The following IQGAP3 variants were observed in gnomAD, a reference collection of about 807,000 sequenced individuals.
The protein encoded by IQGAP3 is IQ motif containing GTPase activating protein 3, also known as ras GTPase-activating-like protein IQGAP3.
A neutral mutation model predicts 208.2 loss-of-function variants in IQGAP3; 165 were observed. The ratio of observed to expected loss-of-function variants is 0.79; its 90% confidence interval spans 0.70 to 0.90. IQGAP3 has a LOEUF of 0.90. IQGAP3 is among the 40% of genes least tolerant of loss of function. The probability of loss-of-function intolerance (pLI) is 0.00; values close to 1 mark genes in which losing one functional copy is unlikely to be tolerated. For synonymous variants in IQGAP3, 703 were observed against 803.6 expected, an observed-to-expected ratio of 0.87 and a Z score of 2.12; for missense variants, 1,811 against 2,043.1, an observed-to-expected ratio of 0.89 and a Z score of 2.19.
At chr1:156,564,770 G>A (rs751699109) in intron 4 of IQGAP3, 79 bp from the exon 5 acceptor site, 2 of 992,542 alleles carry the variant, frequency 2.0e-6, no homozygotes, top group Admixed American at 3.4e-5. Context: ...GCCGAGGAAT[G>A]GGTCTTCCTC....
chr1:156,549,468 C>T (rs1209200409), intron 16 of IQGAP3, among the ~76,000 whole-genome samples: 3 of 112,066 alleles, frequency 2.7e-5, no homozygotes, highest in African/African-American at 1.2e-4. Context: ...AACACTCTGT[C>T]TCAAAAAAAA....
chr1:156,554,341 C>T lies in IQGAP3; in HGVS notation c.1342G>A (p.Val448Ile). 1 of 1,613,948 alleles carries T rather than the reference C, an allele frequency of 6.2e-7. No homozygotes were observed. The change falls in exon 13 of 38, where the codon GTC becomes ATC. Residue 448 changes from valine (V) to isoleucine (I), a missense_variant. Coordinates refer to ENST00000361170, the MANE Select transcript of IQGAP3 (RefSeq NM_178229.5). Reference sequence around the variant, plus strand: ...GCCTCCAGGGCCCGGTTAATCAGGACCACAGCTGAGAGCATCTCCACAGCC... The same window carrying T: ...GCCTCCAGGGCCCGGTTAATCAGGATCACAGCTGAGAGCATCTCCACAGCC... Reference protein sequence around the residue: ...FVAVEMLSAVVLINRALEARD... With the variant: ...FVAVEMLSAVILINRALEARD...
Position 156,552,967 on chromosome 1 carries a change from G to A in IQGAP3, c.1449-872C>T, listed in dbSNP as rs139248232. ...CATGTGCCTGTAGTCCTAGCTACTT[G>A]GGAGGCTGAGTTGGGAGGATCACTT... On this transcript the variant is annotated intron_variant, in intron 13 of 37. Coordinates refer to ENST00000361170, the MANE Select transcript of IQGAP3 (RefSeq NM_178229.5). Among the ~76,000 whole-genome samples the A allele has an allele frequency of 5.8e-3, 886 of 152,278 alleles. 6 individuals are homozygous for A. The highest frequency in any genetic ancestry group is 0.024 in the Middle Eastern group (7 of 292).
chr1:156,562,832 C>T (rs780414781), intron 8 of IQGAP3, among the ~76,000 whole-genome samples, 167 bp from the exon 9 acceptor site: 7 of 152,208 alleles, frequency 4.6e-5, no homozygotes, highest in Non-Finnish European at 8.8e-5. Context: ...TTGGCACTGA[C>T]ATAATTAAGC....
chr1:156,555,423 G>A (rs1244091921), intron 12 of IQGAP3, among the ~76,000 whole-genome samples: 11 of 151,924 alleles, frequency 7.2e-5, no homozygotes, highest in African/African-American at 1.9e-4. Flanking sequence ...ATGGGGTTTC[G>A]CCATGTTGGC....
intron 8 of IQGAP3, among the ~76,000 whole-genome samples, chr1:156,562,879 C>G (rs1432920333): frequency 2.0e-5 from 3 of 152,236 alleles, no homozygotes; most frequent in Middle Eastern, 3.2e-3. Flanking sequence ...CAATCTCATT[C>G]TGTTCTACAT....
In IQGAP3 at chr1:156,548,184, G is replaced by A. The variant is rs1448104447; in HGVS notation, c.2193C>T (p.Val731=). The A allele has an allele frequency of 2.5e-6, 4 of 1,614,020 alleles. No individual in the cohort carries two copies. The African/African-American group carries it at 4.0e-5, about 16-fold the overall frequency. ...GGGCCTGGAGCTGGATAACAAAGCC[G>A]ACGTTGGCTTTCCAGAGCTGTTGGC... ...YDRQQLWKAN[V]GFVIQLQARL... The change falls in exon 19 of 38, where the codon GTC becomes GTT. Residue 731 remains valine (V), a synonymous_variant. Transcript: ENST00000361170.
At position 156,526,515 on chromosome 1, in the gene IQGAP3, GGAA is replaced by G; in HGVS notation, c.4864_4866del (p.Phe1622del). ...TTCCGCAAAAACTTCTTGTTGAGGA[GGAA>G]GATGAGAAGGTTGACATTGACTTTG... On this transcript the variant is annotated inframe_deletion, in exon 38 of 38. Coordinates refer to ENST00000361170, the MANE Select transcript of IQGAP3 (RefSeq NM_178229.5). The G allele has an allele frequency of 6.2e-7, 1 of 1,614,000 alleles. No individual in the cohort carries two copies. Among genetic ancestry groups the G allele is most frequent in the Non-Finnish European group, 8.5e-7 (1 of 1,179,826 alleles).
intron 15 of IQGAP3, 118 bp downstream of exon 15, chr1:156,551,587 C>G: frequency 9.1e-7 from 1 of 1,100,218 alleles, no homozygotes; most frequent in Non-Finnish European, 1.3e-6. Context: ...ACCCCCCTCA[C>G]CCCCACCCAG....
intron 22 of IQGAP3, among the ~76,000 whole-genome samples, chr1:156,541,706 G>A (rs1279666084): frequency 1.3e-5 from 2 of 152,148 alleles, no homozygotes; most frequent in Admixed American, 6.5e-5. Context: ...ATAAATGAAG[G>A]AGTCAGATTT....
chr1:156,544,201 C>G lies in IQGAP3; in HGVS notation c.2411G>C (p.Trp804Ser). ...IIKIQAWARM[W>S]AARRQYLRRL... Reference sequence around the variant, plus strand: ...CCTCAGGTATTGCCTCCGAGCTGCCCACATCCGGGCCCAGGCCTGGATCTG... The same window carrying G: ...CCTCAGGTATTGCCTCCGAGCTGCCGACATCCGGGCCCAGGCCTGGATCTG... Residue 804 changes from tryptophan (W) to serine (S), a missense_variant, in exon 21 of 38, where the codon TGG becomes TCG. Trp to Ser is a radical substitution (Grantham distance 177). Transcript: ENST00000361170. The G allele has an allele frequency of 6.2e-7, 1 of 1,614,128 alleles. No individual in the cohort carries two copies. Among genetic ancestry groups the G allele is most frequent in the Non-Finnish European group, 8.5e-7 (1 of 1,180,028 alleles).
At chr1:156,565,829 T>C (rs1021184453) in intron 4 of IQGAP3, among the ~76,000 whole-genome samples, 198 bp downstream of exon 4, 1 of 151,920 alleles carries the variant, frequency 6.6e-6, no homozygotes, top group African/African-American at 2.4e-5. Flanking sequence ...CCTCCTTTCA[T>C]CCACAGGGAA....
chr1:156,535,562 C>A (rs1361017213), intron 27 of IQGAP3, among the ~76,000 whole-genome samples: 1 of 152,196 alleles, frequency 6.6e-6, no homozygotes, highest in Non-Finnish European at 1.5e-5. Flanking sequence ...CTGCAGAGCA[C>A]CCCAGCTCAC....
chr1:156,552,056 C>T lies in IQGAP3; in HGVS notation c.1488G>A (p.Gly496=). 1 of 1,614,182 alleles carries T rather than the reference C, an allele frequency of 6.2e-7. No homozygotes were observed. The highest frequency in any genetic ancestry group is 8.5e-7 in the Non-Finnish European group (1 of 1,180,020). ...DALLKLRQER[G]MGEDFLSWND... is the part of the protein sequence containing the mutation. The stretch of plus-strand genomic sequence containing the variant: ...TCCAGCTCAGGAAGTCCTCACCCAT[C>T]CCACGCTCCTGTCGCAATTTCAGCA... Residue 496 remains glycine (G), a synonymous_variant, in exon 14 of 38, where the codon GGG becomes GGA. Transcript: ENST00000361170.
At chr1:156,542,388 C>G (rs1387322449) in intron 22 of IQGAP3, among the ~76,000 whole-genome samples, 1 of 151,946 alleles carries the variant, frequency 6.6e-6, no homozygotes, top group Non-Finnish European at 1.5e-5. Flanking sequence ...CAGGGTTTCA[C>G]CATGTTGGCC....
intron 19 of IQGAP3, among the ~76,000 whole-genome samples, chr1:156,547,321 C>T (rs1571334790): frequency 6.6e-6 from 1 of 151,924 alleles, no homozygotes; most frequent in South Asian, 2.1e-4. Flanking sequence ...ACCACTTCTT[C>T]GAGCCCTCCT....
intron 28 of IQGAP3, 30 bp downstream of exon 28, chr1:156,535,133 G>T: frequency 6.7e-7 from 1 of 1,492,476 alleles, no homozygotes; most frequent in Non-Finnish European, 9.4e-7. Context: ...AGGAGGGATT[G>T]GGAGGTGGGG....
At chr1:156,537,792 C>T (rs559980434) in intron 26 of IQGAP3, among the ~76,000 whole-genome samples, 1 of 152,262 alleles carries the variant, frequency 6.6e-6, no homozygotes, top group African/African-American at 2.4e-5. Flanking sequence ...GCTATAAGGG[C>T]AACCTATCTC....
chr1:156,562,272 C>T (rs1676190476), intron 9 of IQGAP3, among the ~76,000 whole-genome samples: 1 of 151,978 alleles, frequency 6.6e-6, no homozygotes, highest in Non-Finnish European at 1.5e-5. Flanking sequence ...TACCCAGATC[C>T]CCCCATCCTC....
Sources: gnomAD v4.1 joint callset for allele counts (sites outside exome capture counted in the v4.1 genomes callset) on GRCh38, gnomAD v4.1.1 for gene constraint, MANE v1.5 for transcripts, NCBI Gene and HGNC (gene_info 2026-07-23, HGNC 2026-07-21) for gene names.